Variants in NLGN1 observed in about 807,000 individuals in gnomAD.
NLGN1 encodes neuroligin 1.
A neutral mutation model predicts 65.5 loss-of-function variants in NLGN1; 12 were observed. That is an observed-to-expected ratio of 0.18 (90% CI 0.12 to 0.30). The LOEUF (loss-of-function observed/expected upper bound fraction) is 0.30, where lower values mean the gene tolerates loss of function less well. Among genes scored for constraint, NLGN1 ranks in the 10% least tolerant of loss-of-function variants. The probability of loss-of-function intolerance (pLI) is 1.00; values close to 1 mark genes in which losing one functional copy is unlikely to be tolerated. For missense variants in NLGN1, 750 were observed against 1,007.1 expected, an observed-to-expected ratio of 0.74 and a Z score of 3.46; for synonymous variants, 350 against 359.5, an observed-to-expected ratio of 0.97 and a Z score of 0.30.
chr3:173,537,327 A>G (rs1219936409), intron 2 of NLGN1, among the ~76,000 whole-genome samples: 1 of 152,170 alleles, frequency 6.6e-6, no homozygotes, highest in East Asian at 1.9e-4. Context: ...CTGCACACAA[A>G]CAGAGAATAC....
At chr3:173,576,540 A>G (rs1745527810) in intron 2 of NLGN1, among the ~76,000 whole-genome samples, 1 of 152,164 alleles carries the variant, frequency 6.6e-6, no homozygotes, top group Admixed American at 6.5e-5. Context: ...CTAAGAGTGT[A>G]GCATCTTCAA....
intron 4 of NLGN1, among the ~76,000 whole-genome samples, chr3:174,079,968 T>C (rs1268820297): frequency 6.6e-6 from 1 of 152,046 alleles, no homozygotes; most frequent in Non-Finnish European, 1.5e-5. Flanking sequence ...TGGAATAATC[T>C]GTACCACAAA....
chr3:173,427,860 TG>T (rs1246009599), intron 1 of NLGN1, among the ~76,000 whole-genome samples: 62 of 143,322 alleles, frequency 4.3e-4, no homozygotes, highest in African/African-American at 1.7e-3. Context: ...TTTTTTTTTT[TG>T]GTTGAGTTTC....
At chr3:173,436,225 A>AT (rs1156469247) in intron 2 of NLGN1, among the ~76,000 whole-genome samples, 3 of 152,218 alleles carry the variant, frequency 2.0e-5, no homozygotes, top group Admixed American at 1.3e-4. Flanking sequence ...AAGCAAAACA[A>AT]TTTTTCATTG....
intron 2 of NLGN1, among the ~76,000 whole-genome samples, chr3:173,524,228 A>G (rs1193941418): frequency 6.6e-6 from 1 of 151,844 alleles, no homozygotes; most frequent in Non-Finnish European, 1.5e-5. Flanking sequence ...GCCCGGCCTC[A>G]TATAATTTCT....
chr3:173,657,941 A>G (rs1459253907), intron 3 of NLGN1, among the ~76,000 whole-genome samples: 2 of 151,966 alleles, frequency 1.3e-5, no homozygotes, highest in Non-Finnish European at 2.9e-5. Flanking sequence ...GTACTGGTAG[A>G]GTAATAAACT....
intron 3 of NLGN1, among the ~76,000 whole-genome samples, chr3:173,763,737 A>G (rs1778352105): frequency 6.6e-6 from 1 of 152,070 alleles, no homozygotes; most frequent in South Asian, 2.1e-4. Flanking sequence ...GAGGAAGAAA[A>G]ATATTGAAAA....
intron 2 of NLGN1, among the ~76,000 whole-genome samples, chr3:173,524,431 A>T (rs529337572): frequency 6.6e-6 from 1 of 152,286 alleles, no homozygotes; most frequent in Admixed American, 6.5e-5. Context: ...TGAAACTTTA[A>T]TGAAGTCATT....
intron 4 of NLGN1, among the ~76,000 whole-genome samples, chr3:173,819,982 T>G (rs1400735618): frequency 1.3e-5 from 2 of 151,990 alleles, no homozygotes; most frequent in African/African-American, 4.8e-5. Context: ...ATACATGAGG[T>G]GAGGCCTTAT....
chr3:173,988,996 A>C (rs1720529807), intron 4 of NLGN1, among the ~76,000 whole-genome samples: 2 of 152,200 alleles, frequency 1.3e-5, no homozygotes, highest in Admixed American at 1.3e-4. Flanking sequence ...ATAAGGTAGG[A>C]GAGAACAGCT....
chr3:173,677,430 T>C (rs1012983718), intron 3 of NLGN1, among the ~76,000 whole-genome samples: 16 of 152,058 alleles, frequency 1.1e-4, no homozygotes, highest in African/African-American at 3.1e-4. Context: ...TGCTTGGTTT[T>C]TATTTACTTT....
chr3:173,978,151 G>A (rs1276516577), intron 4 of NLGN1, among the ~76,000 whole-genome samples: 1 of 152,046 alleles, frequency 6.6e-6, no homozygotes, highest in Non-Finnish European at 1.5e-5. Flanking sequence ...ATTGATTCAG[G>A]GAATAGTAAT....
At chr3:173,690,560 A>C (rs1037668132) in intron 3 of NLGN1, among the ~76,000 whole-genome samples, 1 of 152,160 alleles carries the variant, frequency 6.6e-6, no homozygotes, top group African/African-American at 2.4e-5. Flanking sequence ...TGCTTTGCTC[A>C]CAGTTATCAG....
chr3:173,909,834 A>T (rs1739220922), intron 4 of NLGN1, among the ~76,000 whole-genome samples: 1 of 152,092 alleles, frequency 6.6e-6, no homozygotes, highest in African/African-American at 2.4e-5. Flanking sequence ...ATGTGCCACC[A>T]CGCCCAGCTA....
chr3:174,069,932 A>C (rs2152532545), intron 4 of NLGN1, among the ~76,000 whole-genome samples: 1 of 152,356 alleles, frequency 6.6e-6, no homozygotes, highest in Non-Finnish European at 1.5e-5. Context: ...CAGTAACCAC[A>C]TCTGTAAAAT....
At chr3:173,493,994 T>C (rs946044527) in intron 2 of NLGN1, among the ~76,000 whole-genome samples, 2 of 151,838 alleles carry the variant, frequency 1.3e-5, no homozygotes, top group Admixed American at 6.6e-5. Flanking sequence ...CCAAAAATGG[T>C]TGATAGTTCT....
chr3:174,217,562 C>G (rs1466091315), intron 4 of NLGN1, among the ~76,000 whole-genome samples: 1 of 152,028 alleles, frequency 6.6e-6, no homozygotes, highest in African/African-American at 2.4e-5. Context: ...CATGAGACCT[C>G]TCTGTGGGAT....
At chr3:174,000,367 A>T (rs1723044372) in intron 4 of NLGN1, among the ~76,000 whole-genome samples, 1 of 152,150 alleles carries the variant, frequency 6.6e-6, no homozygotes, top group African/African-American at 2.4e-5. Context: ...CTTTATAAGA[A>T]ATAATTAATT....
intron 4 of NLGN1, among the ~76,000 whole-genome samples, chr3:173,816,408 G>A (rs1181559630): frequency 1.3e-5 from 2 of 152,180 alleles, no homozygotes; most frequent in African/African-American, 4.8e-5. Flanking sequence ...ATTCAGTGGT[G>A]GAACCAGGAT....
Sources: allele counts gnomAD v4.1 joint callset (sites outside exome capture counted in the v4.1 genomes callset), GRCh38; gene constraint gnomAD v4.1.1; transcripts MANE v1.5; gene names NCBI Gene and HGNC (gene_info 2026-07-23, HGNC 2026-07-21).